FABP6: variants seen among roughly 807,000 people sequenced by gnomAD.
FABP6 encodes the protein fatty acid binding protein 6, also known as gastrotropin.
Under a neutral mutation model 14.9 loss-of-function variants are expected in FABP6, and 13 were observed. That is an observed-to-expected ratio of 0.87 (90% CI 0.57 to 1.39). The LOEUF is 1.39. Ranked by LOEUF, FABP6 falls within the 40% of genes most tolerant of loss-of-function variation. The pLI is 0.00. For synonymous variants in FABP6, 75 were observed against 63.6 expected (o/e 1.18, Z -0.85); for missense variants, 161 against 167.2 (o/e 0.96, Z 0.20).
intron 1 of FABP6, among the ~76,000 whole-genome samples, chr5:160,230,918 C>T (rs1333444100): frequency 3.9e-5 from 6 of 152,222 alleles, no homozygotes; most frequent in African/African-American, 1.2e-4. Context: ...GCAGAGAGAC[C>T]AGTGATTTCA....
At chr5:160,199,166 G>C in intron 2 of FABP6, 1 of 1,614,094 alleles carries the variant, frequency 6.2e-7, no homozygotes, top group Non-Finnish European at 8.5e-7. Flanking sequence ...AGGTAGCTCC[G>C]TGAAGCTGGA....
chr5:160,218,263 G>A (rs1430464745), intron 3 of FABP6, among the ~76,000 whole-genome samples: 5 of 151,872 alleles, frequency 3.3e-5, no homozygotes, highest in Non-Finnish European at 7.4e-5. Context: ...CCTTCAGATA[G>A]GCACCATTAT....
intron 1 of FABP6, among the ~76,000 whole-genome samples, chr5:160,230,335 G>GTTTA (rs1267587354): frequency 1.3e-5 from 2 of 151,848 alleles, no homozygotes; most frequent in Non-Finnish European, 2.9e-5. Context: ...GAGATTTGAT[G>GTTTA]TTTATTTAGT....
At chr5:160,210,806 T>C (rs958400811) in intron 2 of FABP6, among the ~76,000 whole-genome samples, 22 of 152,230 alleles carry the variant, frequency 1.4e-4, no homozygotes, top group African/African-American at 5.3e-4. Context: ...TAAGGCTAAA[T>C]TACAACGAGT....
In FABP6 at chr5:160,222,656, A is replaced by G. The variant is rs374237996; in HGVS notation, c.136-6890A>G. Among the ~76,000 whole-genome samples the G allele has an allele frequency of 2.6e-5, 4 of 152,290 alleles. No individual in the cohort carries two copies. The East Asian group carries it at 7.7e-4, about 29-fold the overall frequency. On this transcript the variant is annotated intron_variant, in intron 3 of 6. Transcript: ENST00000393980. ...GCCACAGATTTTCTACTATGAAGAT[A>G]TGTTACTTTTATAATCAGAAAATAA...
chr5:160,232,004 G>T, intron 1 of FABP6, 94 bp from the exon 2 acceptor site: 1 of 1,415,276 alleles, frequency 7.1e-7, no homozygotes, highest in South Asian at 1.4e-5. Context: ...GCACAAGGGG[G>T]TAGGGCGGTG....
At chr5:160,227,844 GTGTGTGTC>G (rs1244017388), upstream of FABP6, among the ~76,000 whole-genome samples, 10 of 149,208 alleles carry the variant, frequency 6.7e-5, no homozygotes, top group South Asian at 2.1e-4. Context: ...GTGTGTGTGT[GTGTGTGTC>G]TGTCTGTCTG....
upstream of FABP6, among the ~76,000 whole-genome samples, chr5:160,227,426 C>T (rs1321281414): frequency 6.7e-6 from 1 of 149,720 alleles, no homozygotes; most frequent in Admixed American, 6.8e-5. Flanking sequence ...ACTAGGGAGG[C>T]TGAGGCAGGA....
intron 1 of FABP6, among the ~76,000 whole-genome samples, chr5:160,190,373 C>T (rs929234317): frequency 6.6e-6 from 1 of 152,068 alleles, no homozygotes; most frequent in Non-Finnish European, 1.5e-5. Flanking sequence ...GCTGGGATTA[C>T]AGGCATGCAC....
chr5:160,223,271 A>G (rs1346414073), intron 3 of FABP6, among the ~76,000 whole-genome samples: 2 of 151,982 alleles, frequency 1.3e-5, no homozygotes, highest in African/African-American at 4.8e-5. Flanking sequence ...CTTTGATGTT[A>G]CCATTGTAAT....
chr5:160,215,409 A>T (rs1759989225), intron 3 of FABP6, among the ~76,000 whole-genome samples: 1 of 152,086 alleles, frequency 6.6e-6, no homozygotes, highest in Non-Finnish European at 1.5e-5. Context: ...GCTACTAGGG[A>T]GGCTGAGGCA....
chr5:160,218,264 G>T (rs1254346760), intron 3 of FABP6, among the ~76,000 whole-genome samples: 1 of 151,878 alleles, frequency 6.6e-6, no homozygotes, highest in Non-Finnish European at 1.5e-5. Context: ...CTTCAGATAG[G>T]CACCATTATT....
At chr5:160,194,320 G>A (rs2113059050) in intron 1 of FABP6, among the ~76,000 whole-genome samples, 1 of 152,320 alleles carries the variant, frequency 6.6e-6, no homozygotes. Context: ...GAGGGAGTGG[G>A]CTCCAGCCTT....
intron 1 of FABP6, among the ~76,000 whole-genome samples, chr5:160,194,249 C>G (rs9313838): frequency 1.3e-5 from 2 of 152,102 alleles, no homozygotes; most frequent in Non-Finnish European, 2.9e-5. Context: ...AAGCGCCGCA[C>G]GCATCCGCAC....
At chr5:160,206,160 G>A (rs969352880) in intron 2 of FABP6, among the ~76,000 whole-genome samples, 11 of 152,152 alleles carry the variant, frequency 7.2e-5, no homozygotes, top group African/African-American at 2.7e-4. Flanking sequence ...CAGGCTGGGC[G>A]TGGTGGCTCA....
Position 160,204,087 on chromosome 5 carries a change from C to T in FABP6, c.51+4930C>T, listed in dbSNP as rs573091325. Among the ~76,000 whole-genome samples, 3 of 150,172 alleles carry T rather than the reference C, an allele frequency of 2.0e-5. No individual in the cohort carries two copies. In the South Asian group the frequency reaches 6.3e-4, roughly 32 times the overall value. On this transcript the variant is annotated intron_variant, in intron 2 of 6. Transcript: ENST00000393980. ...AGGCCAGGCAGAGGTTGCAGTGAGC[C>T]GAGACTGTGCCACCACACCCCAGCC...
At chr5:160,218,360 G>A (rs1001047155) in intron 3 of FABP6, among the ~76,000 whole-genome samples, 4 of 151,942 alleles carry the variant, frequency 2.6e-5, no homozygotes, top group South Asian at 2.1e-4. Flanking sequence ...GACAGAGCTG[G>A]GATTCAAACC....
intron 2 of FABP6, among the ~76,000 whole-genome samples, chr5:160,212,720 C>T (rs1759918667): frequency 1.3e-5 from 2 of 152,198 alleles, no homozygotes; most frequent in Non-Finnish European, 2.9e-5. Context: ...CCGCCTGCCT[C>T]AGCCTCCCAA....
intron 1 of FABP6, chr5:160,196,004 C>G (rs1481538643): frequency 6.6e-6 from 1 of 152,510 alleles, no homozygotes; most frequent in Non-Finnish European, 1.5e-5. Flanking sequence ...TAGCTGGGTC[C>G]AGGCAGAGGG....
Sources: gnomAD v4.1 joint callset for allele counts (sites outside exome capture counted in the v4.1 genomes callset) on GRCh38, gnomAD v4.1.1 for gene constraint, MANE v1.5 for transcripts, NCBI Gene and HGNC (gene_info 2026-07-23, HGNC 2026-07-21) for gene names.